RBFOX3: variants seen among roughly 807,000 people sequenced by gnomAD.
RBFOX3 encodes the protein RNA binding fox-1 homolog 3.
RBFOX3 carries 17 observed loss-of-function variants against 48.7 expected under a neutral mutation model. The ratio of observed to expected loss-of-function variants is 0.35; its 90% confidence interval spans 0.24 to 0.52. The LOEUF (loss-of-function observed/expected upper bound fraction) is 0.52, where lower values mean the gene tolerates loss of function less well. Ranked by LOEUF, RBFOX3 falls within the 20% of genes least tolerant of loss-of-function variation. RBFOX3 has a pLI of 0.94. For missense variants in RBFOX3, 382 were observed against 497.5 expected (o/e 0.77, Z 2.21); for synonymous variants, 212 against 209.5 (o/e 1.01, Z -0.10).
At chr17:79,355,026 G>C (rs932978022) in intron 2 of RBFOX3, among the ~76,000 whole-genome samples, 1 of 152,142 alleles carries the variant, frequency 6.6e-6, no homozygotes, top group Non-Finnish European at 1.5e-5. Flanking sequence ...CCCTCTAATG[G>C]GGACTCTTCC....
chr17:79,431,285 C>A (rs1555728260), intron 2 of RBFOX3, among the ~76,000 whole-genome samples: 2 of 152,148 alleles, frequency 1.3e-5, no homozygotes, highest in Non-Finnish European at 2.9e-5. Context: ...CTAGGGGAAA[C>A]ACATGGTTAG....
intron 4 of RBFOX3, among the ~76,000 whole-genome samples, chr17:79,201,997 C>CCCTAG (rs2056827670): frequency 6.6e-6 from 1 of 152,226 alleles, no homozygotes; most frequent in Non-Finnish European, 1.5e-5. Flanking sequence ...TCCTCCTCCT[C>CCCTAG]CTGCCGGCTT....
chr17:79,360,268 C>T (rs1029912979), intron 2 of RBFOX3, among the ~76,000 whole-genome samples: 11 of 152,128 alleles, frequency 7.2e-5, no homozygotes, highest in Non-Finnish European at 1.6e-4. Flanking sequence ...AAAAGCAAAG[C>T]GAGGGTGCAG....
intron 1 of RBFOX3, among the ~76,000 whole-genome samples, chr17:79,517,366 AC>A (rs1257697935): frequency 4.1e-5 from 6 of 146,336 alleles, no homozygotes; most frequent in Admixed American, 1.4e-4. Context: ...AATCGCTTGA[AC>A]CCAGGGGGCG....
chr17:79,336,402 A>G (rs1049898969), intron 2 of RBFOX3, among the ~76,000 whole-genome samples: 3 of 119,452 alleles, frequency 2.5e-5, no homozygotes, highest in Non-Finnish European at 3.5e-5. Context: ...ATAAATAAAT[A>G]AATAAATAAA....
At position 79,477,292 on chromosome 17, in the gene RBFOX3, C is replaced by A. The variant is rs1308969902; in HGVS notation, c.-175+5162G>T. Among the ~76,000 whole-genome samples, 3 of 143,478 alleles carry A rather than the reference C, an allele frequency of 2.1e-5. No individual in the cohort carries two copies. The highest frequency in any genetic ancestry group is 4.5e-5 in the Non-Finnish European group (3 of 66,426). The allele number at this position is 143,478 out of a possible 152,430, so 94.1% of individuals were successfully genotyped here. A position where few individuals can be genotyped will look rare whatever the true frequency, so the allele number is the denominator to read the frequency against. On this transcript the variant is annotated intron_variant, in intron 2 of 14. Transcript: ENST00000693108. The surrounding 1 kb of genome is among the most constrained non-coding windows in gnomAD (Gnocchi z 4.8). ...AAAAAAAAAAGAGGGCGCGGTGGCT[C>A]ACACCTGTAATCCCAGCACTTTGGG...
chr17:79,478,712 T>A (rs1343519699), intron 2 of RBFOX3, among the ~76,000 whole-genome samples: 1 of 151,698 alleles, frequency 6.6e-6, no homozygotes, highest in Non-Finnish European at 1.5e-5. Flanking sequence ...TCCTCTGGAG[T>A]TTTTGCTCAG....
At chr17:79,317,787 G>T (rs2077741500) in intron 2 of RBFOX3, among the ~76,000 whole-genome samples, 1 of 152,058 alleles carries the variant, frequency 6.6e-6, no homozygotes, top group African/African-American at 2.4e-5. Flanking sequence ...GTTCGATGAG[G>T]CCATGGTGAA....
intron 1 of RBFOX3, among the ~76,000 whole-genome samples, chr17:79,546,743 C>T (rs184643027): frequency 1.1e-4 from 16 of 150,310 alleles, no homozygotes; most frequent in African/African-American, 3.9e-4. Context: ...TATCTCTGCT[C>T]ACTGCAACCT....
intron 2 of RBFOX3, among the ~76,000 whole-genome samples, chr17:79,408,269 G>A (rs1393683589): frequency 6.6e-6 from 1 of 152,230 alleles, no homozygotes; most frequent in Non-Finnish European, 1.5e-5. Flanking sequence ...ACAGTGAGAA[G>A]TGCCCCACCG....
chr17:79,159,342 G>A (rs2046470010), intron 4 of RBFOX3, among the ~76,000 whole-genome samples: 1 of 152,130 alleles, frequency 6.6e-6, no homozygotes, highest in African/African-American at 2.4e-5. Flanking sequence ...AGCCGGAGAT[G>A]GAGATGGCTC....
intron 1 of RBFOX3, among the ~76,000 whole-genome samples, chr17:79,531,904 C>T (rs1415365663): frequency 1.3e-5 from 2 of 152,180 alleles, no homozygotes; most frequent in African/African-American, 2.4e-5. Context: ...GCTGACCACC[C>T]GCTCCGCACA....
the RBFOX3 span, among the ~76,000 whole-genome samples, chr17:79,643,769 A>T: frequency 3.9e-5 from 6 of 152,192 alleles, no homozygotes; most frequent in African/African-American, 1.2e-4. Context: ...AAATATCAAA[A>T]TTTGTGAACT....
chr17:79,597,263 G>C (rs1024971324), intron 1 of RBFOX3, among the ~76,000 whole-genome samples: 1 of 152,178 alleles, frequency 6.6e-6, no homozygotes, highest in Non-Finnish European at 1.5e-5. Context: ...CCTCAAATTG[G>C]GGAATCTGGT....
intron 2 of RBFOX3, among the ~76,000 whole-genome samples, chr17:79,435,404 A>G (rs901443546): frequency 2.0e-5 from 3 of 152,242 alleles, no homozygotes; most frequent in African/African-American, 7.2e-5. Flanking sequence ...ACAGGCTGCC[A>G]GAGCTGATTC....
intron 4 of RBFOX3, among the ~76,000 whole-genome samples, chr17:79,157,357 G>A (rs192939719): frequency 5.9e-5 from 9 of 152,272 alleles, no homozygotes; most frequent in East Asian, 1.9e-4. Context: ...CCCAGCTGCC[G>A]TCCATGCACC....
chr17:79,111,302 C>T lies in RBFOX3; in HGVS notation c.222+4192G>A, dbSNP rs893021380. 3.3e-5 allele frequency among the ~76,000 whole-genome samples: 5 copies of T among 152,124 alleles called. No individual in the cohort carries two copies. Among genetic ancestry groups the T allele is most frequent in the Admixed American group, 1.3e-4 (2 of 15,284 alleles). On this transcript the variant is annotated intron_variant, in intron 5 of 14. Coordinates refer to ENST00000693108, the MANE Select transcript of RBFOX3 (RefSeq NM_001350451.2). This position sits in a 1 kb window ranked among gnomAD's most constrained non-coding sequence, Gnocchi z 4.2. The stretch of plus-strand genomic sequence containing the variant: ...TCAGACATCAGGCCCTTGCGGCCCA[C>T]GTGGGGTCCCTTCTGGCAGGTGGAG...
At chr17:79,215,770 G>A (rs926607551) in intron 4 of RBFOX3, among the ~76,000 whole-genome samples, 1 of 152,250 alleles carries the variant, frequency 6.6e-6, no homozygotes, top group African/African-American at 2.4e-5. Flanking sequence ...GCTGGGCACC[G>A]CCCTCTCTCA....
the RBFOX3 span, among the ~76,000 whole-genome samples, chr17:79,652,567 G>GA: frequency 1 from 95,785 of 96,116 alleles, 47,727 homozygotes; most frequent in Admixed American, 1. Context: ...GGAAGGAAAG[G>GA]AAAGGAAAGG....
Sources: allele counts gnomAD v4.1 joint callset (sites outside exome capture counted in the v4.1 genomes callset), GRCh38; gene constraint gnomAD v4.1.1; non-coding constraint Gnocchi (gnomAD v3.1); transcripts MANE v1.5; gene names NCBI Gene and HGNC (gene_info 2026-07-23, HGNC 2026-07-21).